Variants in C11orf65 observed in about 807,000 individuals in gnomAD.
C11orf65 encodes the protein protein MFI.
A neutral mutation model predicts 35.3 loss-of-function variants in C11orf65; 38 were observed. The ratio of observed to expected loss-of-function variants is 1.08; its 90% CI spans 0.83 to 1.41. C11orf65 has a LOEUF of 1.41. Among genes scored for constraint, C11orf65 ranks in the 40% most tolerant of loss-of-function variants. The pLI is 0.00. For synonymous variants in C11orf65, 105 were observed against 114.4 expected (o/e 0.92, Z 0.53); for missense variants, 370 against 367.1 (o/e 1.01, Z -0.06).
In C11orf65 at chr11:108,334,062, G is replaced by T. The variant is rs191840075; in HGVS notation, c.299+1158C>A. On this transcript the variant is annotated intron_variant, in intron 3 of 3. Coordinates refer to the C11orf65 transcript ENST00000524755. ...AGTATTTTTATGTAGGTCAAAATTG[G>T]TTAAATATTGGCAAATTTCATATGT... 147 of 975,790 alleles carry T rather than the reference G, an allele frequency of 1.5e-4. 2 individuals are homozygous for T. Among genetic ancestry groups the T allele is most frequent in the Non-Finnish European group, 1.3e-5 (8 of 623,300 alleles). The allele number at this position is 975,790 out of a possible 1,614,324, so 60.4% of individuals were successfully genotyped here.
chr11:108,382,453 A>C (rs1367344536), downstream of C11orf65, among the ~76,000 whole-genome samples: 14 of 152,224 alleles, frequency 9.2e-5, no homozygotes, highest in Non-Finnish European at 1.9e-4. Context: ...AATGTAAACA[A>C]GGAAAGATAA....
chr11:108,417,298 T>C (rs1489933540), intron 3 of C11orf65, among the ~76,000 whole-genome samples: 1 of 152,112 alleles, frequency 6.6e-6, no homozygotes, highest in Non-Finnish European at 1.5e-5. Context: ...ATCCCAGCAC[T>C]TTGGGAGGCC....
At chr11:108,348,296 A>C (rs910462966) in intron 2 of C11orf65, among the ~76,000 whole-genome samples, 2 of 151,418 alleles carry the variant, frequency 1.3e-5, no homozygotes, top group Non-Finnish European at 2.9e-5. Flanking sequence ...TTTGTAAATA[A>C]TAAGAAAGTG....
At chr11:108,369,276 A>C (rs1377031152) in intron 2 of C11orf65, among the ~76,000 whole-genome samples, 1 of 152,178 alleles carries the variant, frequency 6.6e-6, no homozygotes, top group African/African-American at 2.4e-5. Flanking sequence ...CCTATTGCAC[A>C]ACCAGTCTGA....
intron 2 of C11orf65, chr11:108,353,705 A>G (rs1241393755): frequency 2.2e-6 from 3 of 1,342,824 alleles, no homozygotes; most frequent in Middle Eastern, 3.6e-4. Context: ...TTCACATTCT[A>G]ACTGGAAAGA....
At chr11:108,358,797 A>G (rs1366766609) in intron 2 of C11orf65, among the ~76,000 whole-genome samples, 1 of 149,574 alleles carries the variant, frequency 6.7e-6, no homozygotes, top group Non-Finnish European at 1.5e-5. Context: ...TGAAGGAAGC[A>G]CTAAACATGG....
At chr11:108,377,368 A>G (rs1380650157) in intron 2 of C11orf65, among the ~76,000 whole-genome samples, 1 of 152,208 alleles carries the variant, frequency 6.6e-6, no homozygotes, top group Non-Finnish European at 1.5e-5. Context: ...AAACAGAACC[A>G]AAGACAAAAA....
intron 6 of C11orf65, among the ~76,000 whole-genome samples, chr11:108,399,591 T>C (rs2092397951): frequency 6.6e-6 from 1 of 152,210 alleles, no homozygotes. Flanking sequence ...GGACTTCCTA[T>C]GAAGCCAAAG....
rs141328711 is a variant in C11orf65, at chr11:108,354,068, CAA to C, written c.227-18778_227-18777del. ...CTGTATCTAAAAAAATACACACACA[CAA>C]ACACACACACACACACACACACACA... On this transcript the variant is annotated intron_variant, in intron 2 of 3. Transcript: ENST00000524755. 0.28 allele frequency among the ~76,000 whole-genome samples: 32,382 copies of C among 114,198 alleles called. 4,118 individuals are homozygous for C. Among genetic ancestry groups the C allele is most frequent in the Middle Eastern group, 0.54 (135 of 252 alleles). The allele number at this position is 114,198 out of a possible 152,430, so 74.9% of individuals were successfully genotyped here.
intron 2 of C11orf65, among the ~76,000 whole-genome samples, chr11:108,459,111 C>T (rs1359719758): frequency 2.6e-5 from 4 of 152,106 alleles, no homozygotes; most frequent in Non-Finnish European, 5.9e-5. Flanking sequence ...GTCAAGTAGC[C>T]AGCTATTAAG....
rs182079152 is a variant in C11orf65, at chr11:108,451,256, C to T, written c.81+10223G>A. ...ACGACATGATTGTATATTTAGAAAA[C>T]CCCATCATCTCAGCCCAAAATCTCC... On this transcript the variant is annotated intron_variant, in intron 2 of 8. Transcript: ENST00000393084. 8.4e-3 allele frequency among the ~76,000 whole-genome samples: 1,271 copies of T among 152,000 alleles called. 30 individuals are homozygous for T. The highest frequency in any genetic ancestry group is 0.029 in the African/African-American group (1,205 of 41,328).
In C11orf65 at chr11:108,405,442, A is replaced by G. The variant is rs1454402964; in HGVS notation, c.547T>C (p.Trp183Arg). ...TCATCAACTTACATTTGCCTCATCCACTCTATTTTTCTAAGTTTTCTTTTC... is the reference window on the plus strand; with the variant it reads ...TCATCAACTTACATTTGCCTCATCCGCTCTATTTTTCTAAGTTTTCTTTTC... ...EKKRKLRKIE[W>R]MRQMYYSGSL... The change falls in exon 6 of 9, where the codon TGG (tryptophan) becomes CGG (arginine). Residue 183 changes from tryptophan (W) to arginine (R), a missense_variant. Coordinates refer to ENST00000393084, the MANE Select transcript of C11orf65 (RefSeq NM_152587.5). 8 of 1,611,612 alleles carry G rather than the reference A, an allele frequency of 5.0e-6. No individual in the cohort carries two copies. The highest frequency in any genetic ancestry group is 6.8e-6 in the Non-Finnish European group (8 of 1,179,580).
chr11:108,358,635 A>G lies in C11orf65; in HGVS notation c.227-23343T>C, dbSNP rs1243022834. Among the ~76,000 whole-genome samples, 418 of 142,708 alleles carry G rather than the reference A, an allele frequency of 2.9e-3. 1 individual carries two copies. Among genetic ancestry groups the G allele is most frequent in the African/African-American group, 0.01 (385 of 38,172 alleles). 93.6% of individuals were successfully genotyped at this position (142,708 alleles called of 152,430 possible). A position where few individuals can be genotyped will look rare whatever the true frequency, so the allele number is the denominator to read the frequency against. On this transcript the variant is annotated intron_variant, in intron 2 of 3. Transcript: ENST00000524755. ...TACAAGCCAGAAGAGAGTGGGGGCC[A>G]ATATTCAACATTCTTAAAGAAAAGA...
Position 108,353,826 on chromosome 11 carries a change from C to G in C11orf65, c.227-18534G>C, listed in dbSNP as rs794728018. ...CCTGAGACAGTTCCTTTTAGACTCA[C>G]CAGAGATATTGTGGATGGCATGGGC... On this transcript the variant is annotated intron_variant, in intron 2 of 3. Transcript: ENST00000524755. 6.2e-7 allele frequency: 1 copy of G among 1,614,018 alleles called. No homozygotes were observed. The highest frequency in any genetic ancestry group is 8.5e-7 in the Non-Finnish European group (1 of 1,179,994).
At position 108,332,805 on chromosome 11, in the gene C11orf65, G is replaced by T. The variant is rs2086410630; in HGVS notation, c.300-1238C>A. ...AATAGAATAATATGTACTATCAGAAGTAGGAGACCTCAGATGGTCAGAAGT... is the reference window on the plus strand; with the variant it reads ...AATAGAATAATATGTACTATCAGAATTAGGAGACCTCAGATGGTCAGAAGT... On this transcript the variant is annotated intron_variant, in intron 3 of 3. Coordinates refer to the C11orf65 transcript ENST00000524755. 2.5e-6 allele frequency: 4 copies of T among 1,613,316 alleles called. No homozygotes were observed. In the South Asian group the frequency reaches 3.3e-5, roughly 13 times the overall value.
intron 3 of C11orf65, among the ~76,000 whole-genome samples, chr11:108,422,478 A>C (rs2092833900): frequency 6.6e-6 from 1 of 152,214 alleles, no homozygotes. Context: ...CCAATACATA[A>C]ATGGCCACCT....
chr11:108,457,302 C>G (rs1008456161), intron 2 of C11orf65, among the ~76,000 whole-genome samples: 1 of 152,014 alleles, frequency 6.6e-6, no homozygotes, highest in Non-Finnish European at 1.5e-5. Context: ...TGTACACGCA[C>G]ATTATTTAGA....
intron 6 of C11orf65, among the ~76,000 whole-genome samples, chr11:108,402,080 G>C (rs957847182): frequency 2.0e-5 from 3 of 152,148 alleles, no homozygotes; most frequent in Non-Finnish European, 4.4e-5. Context: ...TCTCCTCTTG[G>C]AGTGGACCTT....
At chr11:108,448,985 C>T (rs534374676) in intron 2 of C11orf65, among the ~76,000 whole-genome samples, 3 of 152,164 alleles carry the variant, frequency 2.0e-5, no homozygotes, top group African/African-American at 7.2e-5. Flanking sequence ...TCTTATACAC[C>T]AATAACAGAC....
Sources: allele counts gnomAD v4.1 joint callset (sites outside exome capture counted in the v4.1 genomes callset), GRCh38; gene constraint gnomAD v4.1.1; transcripts MANE v1.5; gene names NCBI Gene and HGNC (gene_info 2026-07-23, HGNC 2026-07-21).